The following CMIP variants were observed in gnomAD, a reference collection of about 807,000 sequenced individuals.
CMIP encodes the protein C-Maf-inducing protein.
Under a neutral mutation model 97.3 loss-of-function variants are expected in CMIP, and 13 were observed. The ratio of observed to expected loss-of-function variants is 0.13; its 90% CI spans 0.09 to 0.21. CMIP has a LOEUF of 0.21. CMIP is among the 10% of genes least tolerant of loss of function. The pLI, the probability that CMIP is intolerant of heterozygous loss-of-function variation, is 1.00. For missense variants in CMIP, 847 were observed against 1,024.9 expected (o/e 0.83, Z 2.37); for synonymous variants, 538 against 436.3 (o/e 1.23, Z -2.91).
Position 81,682,117 on chromosome 16 carries a change from C to T in CMIP, c.1388+3489C>T, listed in dbSNP as rs555843842. On this transcript the variant is annotated intron_variant, in intron 10 of 20. Coordinates refer to ENST00000537098, the MANE Select transcript of CMIP (RefSeq NM_198390.3). ...ACTCGGGAGGCTGAAGCACGAGAAT[C>T]ATTTGAACCCCGGGGGGCGGAGGTT... is the stretch of plus-strand genomic sequence containing the variant. 4.6e-5 allele frequency among the ~76,000 whole-genome samples: 7 copies of T among 152,250 alleles called. No homozygotes were observed. The East Asian group carries it at 1.4e-3, about 29-fold the overall frequency.
At chr16:81,515,742 C>CTCTGG (rs903398083) in intron 1 of CMIP, among the ~76,000 whole-genome samples, 12 of 152,198 alleles carry the variant, frequency 7.9e-5, no homozygotes, top group Non-Finnish European at 1.5e-4. Flanking sequence ...CTTGTCCTTG[C>CTCTGG]TCTGATCTGC....
At chr16:81,532,324 T>A (rs1178938450) in intron 1 of CMIP, among the ~76,000 whole-genome samples, 2 of 152,258 alleles carry the variant, frequency 1.3e-5, no homozygotes, top group African/African-American at 4.8e-5. Flanking sequence ...TGTGCGTGTA[T>A]GTTCCACACG....
intron 1 of CMIP, among the ~76,000 whole-genome samples, chr16:81,574,625 G>A (rs1007174696): frequency 6.6e-6 from 1 of 152,244 alleles, no homozygotes; most frequent in African/African-American, 2.4e-5. Flanking sequence ...GAGCCTTCGA[G>A]TATGGCCTGA....
At chr16:81,674,628 C>G (rs1009879470) in intron 9 of CMIP, among the ~76,000 whole-genome samples, 3 of 151,890 alleles carry the variant, frequency 2.0e-5, no homozygotes, top group Admixed American at 6.5e-5. Context: ...TGTTGTCGCC[C>G]AGGCTGGAGT....
intron 9 of CMIP, among the ~76,000 whole-genome samples, chr16:81,675,663 C>A (rs1348625829): frequency 6.6e-6 from 1 of 152,166 alleles, no homozygotes; most frequent in Non-Finnish European, 1.5e-5. Flanking sequence ...TTCTGCTGCA[C>A]ACTGAATATG....
intron 1 of CMIP, chr16:81,603,319 T>C (rs1039695702): frequency 2.2e-6 from 1 of 449,368 alleles, no homozygotes; most frequent in East Asian, 7.0e-5. Flanking sequence ...GGTGACGTCA[T>C]GATCCGCCCA....
chr16:81,564,601 C>T (rs964798491), intron 1 of CMIP, among the ~76,000 whole-genome samples: 4 of 152,300 alleles, frequency 2.6e-5, no homozygotes, highest in South Asian at 2.1e-4. Context: ...GAGGCTGCGC[C>T]GCAGTGCCAG....
intron 1 of CMIP, among the ~76,000 whole-genome samples, chr16:81,516,059 A>C (rs185071792): frequency 6.6e-6 from 1 of 152,136 alleles, no homozygotes; most frequent in East Asian, 1.9e-4. Flanking sequence ...TGCTGTTGCT[A>C]ATCTCTGGGT....
chr16:81,620,631 T>C lies in CMIP; in HGVS notation c.427-245T>C, dbSNP rs117551791. 726 of 483,668 alleles carry C rather than the reference T, an allele frequency of 1.5e-3. 12 individuals are homozygous for C. The East Asian group carries it at 0.024, about 16-fold the overall frequency. The allele number at this position is 483,668 out of a possible 1,614,324, so 30.0% of individuals were successfully genotyped here. On this transcript the variant is annotated intron_variant, in intron 2 of 20. Transcript: ENST00000537098. ...TCAGCAGTGTCTGAAGTCACTCATA[T>C]ACAGCAAAGGAAGCACACGGTGCTA...
At chr16:81,448,300 A>T (rs979616481) in intron 1 of CMIP, among the ~76,000 whole-genome samples, 3 of 152,252 alleles carry the variant, frequency 2.0e-5, no homozygotes, top group African/African-American at 7.2e-5. Flanking sequence ...ATTCAAACCA[A>T]TAAACAAGCC....
intron 1 of CMIP, among the ~76,000 whole-genome samples, chr16:81,450,071 G>A (rs866224394): frequency 5.9e-5 from 9 of 152,222 alleles, no homozygotes; most frequent in African/African-American, 2.2e-4. Flanking sequence ...CTGCTCCTTA[G>A]TGTCTCATCG....
intron 1 of CMIP, among the ~76,000 whole-genome samples, chr16:81,503,437 C>G (rs1189028913): frequency 6.6e-6 from 1 of 152,098 alleles, no homozygotes; most frequent in Admixed American, 6.6e-5. Context: ...CTCTGTGCAC[C>G]CAGGCTGGAG....
chr16:81,534,553 A>G (rs1354206031), intron 1 of CMIP, among the ~76,000 whole-genome samples: 5 of 151,884 alleles, frequency 3.3e-5, no homozygotes, highest in Non-Finnish European at 7.4e-5. Flanking sequence ...CTGTGGTCAG[A>G]GTTGAGTGTC....
chr16:81,540,977 G>A (rs2090439029), intron 1 of CMIP, among the ~76,000 whole-genome samples: 1 of 150,528 alleles, frequency 6.6e-6, no homozygotes, highest in African/African-American at 2.4e-5. Flanking sequence ...ACTGCACCCG[G>A]CCTTTTTTTT....
chr16:81,584,787 A>G (rs558285244), intron 1 of CMIP, among the ~76,000 whole-genome samples: 4 of 152,242 alleles, frequency 2.6e-5, no homozygotes, highest in East Asian at 1.9e-4. Context: ...AGACCCTAGT[A>G]CTTCATTCTC....
intron 14 of CMIP, chr16:81,698,026 G>A (rs1405760076): frequency 1.3e-5 from 2 of 148,290 alleles, no homozygotes; most frequent in East Asian, 4.0e-4. Context: ...ACAATGTGAG[G>A]ATTCGGTGCA....
rs146626788 is a variant in CMIP at position 81,625,364 on chromosome 16, G to A, written c.477+4438G>A. On this transcript the variant is annotated intron_variant, in intron 3 of 20. Transcript: ENST00000537098. ...GAGGCTAATTCCCAGGGGTGTGGAA[G>A]CATTAAATAGTTATTCTGGGTTAAT... is the stretch of plus-strand genomic sequence containing the variant. Among the ~76,000 whole-genome samples, 11 of 152,374 alleles carry A rather than the reference G, an allele frequency of 7.2e-5. No homozygotes were observed. In the East Asian group the frequency reaches 1.9e-3, roughly 27 times the overall value.
Position 81,616,101 on chromosome 16 carries a change from C to T in CMIP, c.427-4775C>T, listed in dbSNP as rs2091914028. ...GAGAGTTCCGCATCGAGACTGTCCT[C>T]AGCCCGGCATCTCTGTGCCTTGCCT... is the stretch of plus-strand genomic sequence containing the variant. On this transcript the variant is annotated intron_variant, in intron 2 of 20. Coordinates refer to ENST00000537098, the MANE Select transcript of CMIP (RefSeq NM_198390.3). This position sits in a 1 kb window ranked among gnomAD's most constrained non-coding sequence, Gnocchi z 4.7. Among the ~76,000 whole-genome samples, 2 of 151,752 alleles carry T rather than the reference C, an allele frequency of 1.3e-5. No homozygotes were observed. The highest frequency in any genetic ancestry group is 6.6e-5 in the Admixed American group (1 of 15,264).
At chr16:81,608,396 A>G (rs958202329) in intron 2 of CMIP, among the ~76,000 whole-genome samples, 3 of 152,136 alleles carry the variant, frequency 2.0e-5, no homozygotes, top group African/African-American at 7.2e-5. Context: ...TGCTGGCTTC[A>G]TTGGCAGAAT....
Sources: gnomAD v4.1 joint callset for allele counts (sites outside exome capture counted in the v4.1 genomes callset) on GRCh38, gnomAD v4.1.1 for gene constraint, Gnocchi (gnomAD v3.1) non-coding constraint, MANE v1.5 for transcripts, NCBI Gene and HGNC (gene_info 2026-07-23, HGNC 2026-07-21) for gene names.